Variants in RRM2B observed in about 807,000 individuals in gnomAD.
RRM2B encodes ribonucleoside-diphosphate reductase subunit M2 B.
A neutral mutation model predicts 45.9 loss-of-function variants in RRM2B; 20 were observed. The ratio of observed to expected loss-of-function variants is 0.44; its 90% CI spans 0.31 to 0.63. RRM2B has a LOEUF of 0.63. RRM2B is among the 30% of genes least tolerant of loss of function. The pLI is 0.09. For synonymous variants in RRM2B, 124 were observed against 132.3 expected (o/e 0.94, Z 0.43); for missense variants, 320 against 414.7 (o/e 0.77, Z 1.98).
intron 2 of RRM2B, among the ~76,000 whole-genome samples, chr8:102,230,199 C>A (rs1054683381): frequency 6.6e-6 from 1 of 152,152 alleles, no homozygotes; most frequent in African/African-American, 2.4e-5. Flanking sequence ...TTAAGCTCAA[C>A]CATTTAAGCT....
chr8:102,216,790 T>C (rs1174497946), intron 6 of RRM2B, among the ~76,000 whole-genome samples: 5 of 151,998 alleles, frequency 3.3e-5, no homozygotes, highest in Non-Finnish European at 1.5e-5. Flanking sequence ...ACAATGCAAA[T>C]AAAACCAATA....
At chr8:102,235,871 T>C (rs1170454397) in intron 1 of RRM2B, among the ~76,000 whole-genome samples, 2 of 151,986 alleles carry the variant, frequency 1.3e-5, no homozygotes, top group Non-Finnish European at 2.9e-5. Flanking sequence ...AGATAATGAA[T>C]TCAGTTTCAA....
intron 5 of RRM2B, 48 bp downstream of exon 5, chr8:102,223,998 C>A (rs758146820): frequency 7.7e-7 from 1 of 1,295,506 alleles, no homozygotes; most frequent in Non-Finnish European, 1.1e-6. Flanking sequence ...AAAATACTGT[C>A]ATATCACCTT....
chr8:102,217,180 A>G (rs1810744330), intron 6 of RRM2B, among the ~76,000 whole-genome samples: 1 of 151,688 alleles, frequency 6.6e-6, no homozygotes, highest in South Asian at 2.1e-4. Flanking sequence ...GCTTAATGCC[A>G]CAGAAAAATG....
chr8:102,214,284 G>C lies in RRM2B; in HGVS notation c.685-126C>G. ...ACAGAACTTCTGGAAAATGGAAGAG[G>C]GGTTAATAGGACTAGGAACTTCCTT... is the stretch of plus-strand genomic sequence containing the variant. On this transcript the variant is annotated intron_variant, in intron 6 of 8. Coordinates refer to ENST00000251810, the MANE Select transcript of RRM2B (RefSeq NM_015713.5). 8.5e-6 allele frequency: 6 copies of C among 703,944 alleles called. No homozygotes were observed. In the South Asian group the frequency reaches 9.0e-5, roughly 11 times the overall value. 43.6% of individuals were successfully genotyped at this position (703,944 alleles called of 1,614,324 possible).
intron 5 of RRM2B, among the ~76,000 whole-genome samples, chr8:102,223,267 C>T (rs1156799260): frequency 6.6e-6 from 1 of 152,122 alleles, no homozygotes; most frequent in Admixed American, 6.5e-5. Context: ...AGGGTGTTTG[C>T]ATTTAGCTTA....
rs1371024700 is a variant in RRM2B at position 102,208,004 on chromosome 8, G to C, written c.*129C>G. 19 of 710,740 alleles carry C rather than the reference G, an allele frequency of 2.7e-5. No homozygotes were observed. The East Asian group carries it at 5.1e-4, about 19-fold the overall frequency. 44.0% of individuals were successfully genotyped at this position (710,740 alleles called of 1,614,324 possible). On this transcript the variant is annotated 3_prime_UTR_variant, in exon 9 of 9. Coordinates refer to ENST00000251810, the MANE Select transcript of RRM2B (RefSeq NM_015713.5). ...ATATAAATGCAAATTGTTTAGAATA[G>C]GTTTTGGATTTCCTTTTGAGCAAAC...
intron 8 of RRM2B, among the ~76,000 whole-genome samples, chr8:102,211,335 T>C (rs77099128): frequency 0.035 from 5,359 of 152,344 alleles, 163 homozygotes; most frequent in Admixed American, 0.085. Flanking sequence ...ATTAAGCTTT[T>C]TGGCAATTTT....
intron 7 of RRM2B, among the ~76,000 whole-genome samples, chr8:102,213,285 C>T (rs1468226797): frequency 6.6e-6 from 1 of 151,960 alleles, no homozygotes; most frequent in Admixed American, 6.6e-5. Flanking sequence ...GAAAGAAAAA[C>T]TCAATTAACA....
intron 1 of RRM2B, 42 bp downstream of exon 1, chr8:102,238,785 G>C: frequency 6.2e-7 from 1 of 1,613,628 alleles, no homozygotes; most frequent in Non-Finnish European, 8.5e-7. Context: ...TAACGGGCTG[G>C]CGTGACTGCG....
intron 1 of RRM2B, among the ~76,000 whole-genome samples, chr8:102,232,653 C>T (rs141787729): frequency 3.8e-4 from 58 of 152,294 alleles, no homozygotes; most frequent in African/African-American, 1.4e-3. Flanking sequence ...CAAAGCTAGA[C>T]CCATAAATGT....
At chr8:102,214,688 G>A (rs1347557222) in intron 6 of RRM2B, among the ~76,000 whole-genome samples, 1 of 148,988 alleles carries the variant, frequency 6.7e-6, no homozygotes, top group Non-Finnish European at 1.5e-5. Context: ...AGGTCAAGGT[G>A]GGCAGACTGC....
At chr8:102,221,277 T>G (rs1184902584) in intron 5 of RRM2B, among the ~76,000 whole-genome samples, 2 of 152,196 alleles carry the variant, frequency 1.3e-5, no homozygotes, top group African/African-American at 4.8e-5. Flanking sequence ...TAAAGGCTTA[T>G]AAGAGTCTGG....
chr8:102,234,882 G>A (rs767426382), intron 1 of RRM2B: 15 of 154,188 alleles, frequency 9.7e-5, no homozygotes, highest in Middle Eastern at 1.1e-3. Context: ...AAATATATGG[G>A]TGCATGAGAG....
chr8:102,221,063 T>C (rs1354627871), intron 5 of RRM2B, among the ~76,000 whole-genome samples: 2 of 152,208 alleles, frequency 1.3e-5, no homozygotes, highest in African/African-American at 4.8e-5. Context: ...TTTCATTACA[T>C]ATATTAAGTT....
chr8:102,216,039 A>T (rs1277595745), intron 6 of RRM2B, among the ~76,000 whole-genome samples: 5 of 151,794 alleles, frequency 3.3e-5, no homozygotes, highest in Non-Finnish European at 7.4e-5. Context: ...CCTACAAATT[A>T]TTAAAATATA....
At chr8:102,238,361 T>C (rs1397351897) in intron 1 of RRM2B, 1 of 385,350 alleles carries the variant, frequency 2.6e-6, no homozygotes, top group Non-Finnish European at 4.8e-6. Flanking sequence ...CCCTTCTACC[T>C]GTCATCTTCA....
chr8:102,213,754 GCT>G (rs1347144309), intron 7 of RRM2B, among the ~76,000 whole-genome samples: 2 of 151,022 alleles, frequency 1.3e-5, no homozygotes, highest in Non-Finnish European at 3.0e-5. Context: ...AAAAAAAAAA[GCT>G]ACTATAATTA....
chr8:102,223,834 C>T (rs1810877204), intron 5 of RRM2B, among the ~76,000 whole-genome samples: 1 of 152,006 alleles, frequency 6.6e-6, no homozygotes, highest in Non-Finnish European at 1.5e-5. Flanking sequence ...CTTAACTTTT[C>T]AACTTCCAAC....
Sources: gnomAD v4.1 joint callset for allele counts (sites outside exome capture counted in the v4.1 genomes callset) on GRCh38, gnomAD v4.1.1 for gene constraint, MANE v1.5 for transcripts, NCBI Gene and HGNC (gene_info 2026-07-23, HGNC 2026-07-21) for gene names.